Variants in GRIN2A observed in about 807,000 individuals in gnomAD.
GRIN2A encodes glutamate receptor ionotropic, NMDA 2A.
A neutral mutation model predicts 113.4 loss-of-function variants in GRIN2A; 22 were observed. The observed-to-expected ratio is 0.19, with a 90% confidence interval of 0.14 to 0.28. GRIN2A has a LOEUF of 0.28. Among genes scored for constraint, GRIN2A ranks in the 10% least tolerant of loss-of-function variants. The probability of loss-of-function intolerance (pLI) is 1.00; values close to 1 mark genes in which losing one functional copy is unlikely to be tolerated. For missense variants in GRIN2A, 1,502 were observed against 1,887.0 expected (o/e 0.80, Z 3.78); for synonymous variants, 827 against 738.4 (o/e 1.12, Z -1.94).
chr16:9,842,908 GT>G (rs949445264), intron 5 of GRIN2A, among the ~76,000 whole-genome samples: 3 of 151,582 alleles, frequency 2.0e-5, no homozygotes, highest in Non-Finnish European at 1.5e-5. Context: ...TCCAGCCTAG[GT>G]GACAGAATGT....
intron 2 of GRIN2A, among the ~76,000 whole-genome samples, chr16:10,009,062 T>C (rs952339418): frequency 6.6e-6 from 1 of 152,204 alleles, no homozygotes; most frequent in East Asian, 1.9e-4. Context: ...CAAGTGCTGA[T>C]AAAGTCCCGT....
rs764292783 is a variant in GRIN2A at position 9,764,181 on chromosome 16, A to C, written c.3363T>G (p.Asp1121Glu). The C allele has an allele frequency of 5.1e-5, 82 of 1,613,544 alleles. No homozygotes were observed. Among genetic ancestry groups the C allele is most frequent in the Non-Finnish European group, 6.6e-5 (78 of 1,179,820 alleles). The stretch of plus-strand genomic sequence containing the variant: ...AGTGGAAACCAGGCTCCTTCTCACC[A>C]TCTATAGTGTAGATCTTGTCTCTAG... ...SSPRDKIYTI[D>E]GEKEPGFHLD... Residue 1121 changes from aspartate (D) to glutamate (E), a missense_variant, in exon 13 of 13, where the codon GAT becomes GAG. This residue lies in a region of GRIN2A where 832 missense variants were observed against 789.7 expected (regional missense o/e 1.05). Coordinates refer to ENST00000330684, the MANE Select transcript of GRIN2A (RefSeq NM_001134407.3).
chr16:9,772,615 A>C (rs1246911590), intron 11 of GRIN2A, among the ~76,000 whole-genome samples: 1 of 152,100 alleles, frequency 6.6e-6, no homozygotes, highest in African/African-American at 2.4e-5. Context: ...GGCTCAAGCA[A>C]CCCACCTGGC....
intron 11 of GRIN2A, among the ~76,000 whole-genome samples, chr16:9,777,095 TA>T (rs1901648883): frequency 1.3e-5 from 2 of 152,146 alleles, no homozygotes; most frequent in Admixed American, 1.3e-4. Flanking sequence ...CCAACTTCAT[TA>T]ATTCCACCAT....
intron 10 of GRIN2A, among the ~76,000 whole-genome samples, chr16:9,807,589 T>C (rs1028234647): frequency 1.3e-5 from 2 of 152,176 alleles, no homozygotes; most frequent in Non-Finnish European, 2.9e-5. Flanking sequence ...AAATGTAACG[T>C]TGGACCCAAA....
In GRIN2A at chr16:9,768,900, A is replaced by C. The variant is rs1901086856; in HGVS notation, c.2546T>G (p.Phe849Cys). The C allele has an allele frequency of 5.6e-6, 9 of 1,614,238 alleles. No individual in the cohort carries two copies. The highest frequency in any genetic ancestry group is 7.6e-6 in the Non-Finnish European group (9 of 1,180,026). Residue 849 changes from phenylalanine (F) to cysteine (C), a missense_variant, in exon 12 of 13, where the codon TTC becomes TGC. By Grantham distance (205) the Phe-to-Cys change is radical. Around this residue, in one of 7 missense-constraint regions of GRIN2A, gnomAD observed 832 missense variants for 789.7 expected, o/e 1.05. Coordinates refer to ENST00000330684, the MANE Select transcript of GRIN2A (RefSeq NM_001134407.3). Reference sequence around the variant, plus strand: ...AGGCCGGTCGGAGCACACGCCCGTGAAACAGAAGCGCAGCTTCCAGTAGAA... The same window carrying C: ...AGGCCGGTCGGAGCACACGCCCGTGCAACAGAAGCGCAGCTTCCAGTAGAA... ...HLFYWKLRFC[F>C]TGVCSDRPGL...
rs935042881 is a variant in GRIN2A, at chr16:10,103,326, T to C, written c.414+76672A>G. On this transcript the variant is annotated intron_variant, in intron 2 of 12. Transcript: ENST00000330684. ...ACACTTGGGGATGGGGGAGTGGCTC[T>C]CCTTGCACAAGCTGGGATGCAATTT... Among the ~76,000 whole-genome samples the C allele has an allele frequency of 3.9e-5, 6 of 152,154 alleles. No individual in the cohort carries two copies. In the East Asian group the frequency reaches 1.2e-3, roughly 29 times the overall value.
Position 9,755,818 on chromosome 16 carries a change from A to C in GRIN2A, c.*7331T>G, listed in dbSNP as rs1370426288. Reference sequence around the variant, plus strand: ...AATAACCGTCATTATCCTAATGCTAAGTGAGCCGGGAATTATCTCTAAGAC... The same window carrying C: ...AATAACCGTCATTATCCTAATGCTACGTGAGCCGGGAATTATCTCTAAGAC... On this transcript the variant is annotated 3_prime_UTR_variant, in exon 13 of 13. Transcript: ENST00000330684. The C allele has an allele frequency of 4.9e-6, 1 of 202,604 alleles. No homozygotes were observed. Among genetic ancestry groups the C allele is most frequent in the Non-Finnish European group, 1.0e-5 (1 of 98,448 alleles). The allele number at this position is 202,604 out of a possible 1,614,324, so 12.6% of individuals were successfully genotyped here. A position where few individuals can be genotyped will look rare whatever the true frequency, so the allele number is the denominator to read the frequency against.
chr16:9,985,117 T>A (rs2045956610), intron 2 of GRIN2A, among the ~76,000 whole-genome samples: 1 of 152,172 alleles, frequency 6.6e-6, no homozygotes, highest in African/African-American at 2.4e-5. Context: ...AAAAGTTTCC[T>A]GATGTGCCCA....
chr16:10,042,623 G>T (rs1162796756), intron 2 of GRIN2A, among the ~76,000 whole-genome samples: 3 of 152,148 alleles, frequency 2.0e-5, no homozygotes, highest in Admixed American at 2.0e-4. Context: ...AAACTTCTAA[G>T]TTTTGGGATG....
chr16:10,013,403 G>A lies in GRIN2A; in HGVS notation c.415-74852C>T, dbSNP rs141374128. 1.5e-3 allele frequency among the ~76,000 whole-genome samples: 224 copies of A among 152,284 alleles called. 3 individuals are homozygous for A. Among genetic ancestry groups the A allele is most frequent in the African/African-American group, 5.3e-3 (219 of 41,540 alleles). ...CTTCCTAATCATCATCCCAATAAGT[G>A]AGAGCTTTAATATTTCAAAGGGTCT... On this transcript the variant is annotated intron_variant, in intron 2 of 12. Transcript: ENST00000330684.
At chr16:10,174,876 G>T (rs2050112808) in intron 2 of GRIN2A, among the ~76,000 whole-genome samples, 1 of 151,334 alleles carries the variant, frequency 6.6e-6, no homozygotes, top group African/African-American at 2.4e-5. Context: ...AGAATTGATT[G>T]AGAAATTACA....
At chr16:10,024,801 T>G (rs2046790063) in intron 2 of GRIN2A, among the ~76,000 whole-genome samples, 1 of 152,206 alleles carries the variant, frequency 6.6e-6, no homozygotes, top group South Asian at 2.1e-4. Flanking sequence ...TGCTTAGCAA[T>G]TATATCAAGT....
At chr16:9,778,990 A>G (rs763830539) in intron 11 of GRIN2A, among the ~76,000 whole-genome samples, 10 of 152,252 alleles carry the variant, frequency 6.6e-5, no homozygotes, top group Non-Finnish European at 1.3e-4. Context: ...GGAGGGTGCA[A>G]TGAATCAAGA....
intron 4 of GRIN2A, among the ~76,000 whole-genome samples, chr16:9,887,132 C>T (rs1225116896): frequency 6.6e-6 from 1 of 152,172 alleles, no homozygotes; most frequent in East Asian, 1.9e-4. Flanking sequence ...GGCAATCTGA[C>T]TGCCTTGGCC....
chr16:9,764,741 C>T lies in GRIN2A; in HGVS notation c.2803G>A (p.Val935Ile), dbSNP rs1335676858. Residue 935 changes from valine (V) to isoleucine (I), a missense_variant, in exon 13 of 13, where the codon GTT (valine) becomes ATT (isoleucine). Around this residue, in one of 7 missense-constraint regions of GRIN2A, gnomAD observed 832 missense variants for 789.7 expected, o/e 1.05. Transcript: ENST00000330684. ...TACATCAAATTCCCCTTATCTGAAA[C>T]CATGTCCATGATGAGGGAACCTCTT... ...IQRGSLIMDM[V>I]SDKGNLMYSD... is the part of the protein sequence containing the mutation. 1 of 1,614,242 alleles carries T rather than the reference C, an allele frequency of 6.2e-7. No individual in the cohort carries two copies. The highest frequency in any genetic ancestry group is 8.5e-7 in the Non-Finnish European group (1 of 1,180,030).
At chr16:9,903,458 G>C (rs547614418) in intron 3 of GRIN2A, among the ~76,000 whole-genome samples, 3 of 152,064 alleles carry the variant, frequency 2.0e-5, no homozygotes, top group South Asian at 4.2e-4. Context: ...TTATTGACTT[G>C]ATTCAAAAAG....
chr16:9,986,589 C>A (rs2045982796), intron 2 of GRIN2A, among the ~76,000 whole-genome samples: 1 of 151,702 alleles, frequency 6.6e-6, no homozygotes, highest in South Asian at 2.1e-4. Flanking sequence ...ATAGTGAAAC[C>A]CCGTCTCTAC....
chr16:9,788,678 C>G (rs1378182765), intron 11 of GRIN2A, among the ~76,000 whole-genome samples: 1 of 150,788 alleles, frequency 6.6e-6, no homozygotes, highest in Non-Finnish European at 1.5e-5. Flanking sequence ...TTTCTTTCTT[C>G]TTGTTCTCAT....
Sources: allele counts gnomAD v4.1 joint callset (sites outside exome capture counted in the v4.1 genomes callset), GRCh38; gene constraint gnomAD v4.1.1; regional missense constraint gnomAD v4.1.1; transcripts MANE v1.5; gene names NCBI Gene and HGNC (gene_info 2026-07-23, HGNC 2026-07-21).